Variants in RSPO2 observed in about 807,000 individuals in gnomAD.
The protein encoded by RSPO2 is R-spondin 2.
Under a neutral mutation model 30.9 loss-of-function variants are expected in RSPO2, and 14 were observed. The observed-to-expected ratio is 0.45, with a 90% CI of 0.30 to 0.71. The LOEUF is 0.71. Ranked by LOEUF, RSPO2 falls within the 30% of genes least tolerant of loss-of-function variation. The pLI is 0.08. For missense variants in RSPO2, 264 were observed against 301.9 expected (o/e 0.87, Z 0.93); for synonymous variants, 107 against 96.4 (o/e 1.11, Z -0.64).
intron 3 of RSPO2, among the ~76,000 whole-genome samples, chr8:107,976,822 C>G (rs921444062): frequency 6.6e-6 from 1 of 152,106 alleles, no homozygotes; most frequent in East Asian, 1.9e-4. Context: ...AACTATTGCA[C>G]AAAATAAAGC....
At chr8:108,049,393 T>A (rs1039961847) in intron 2 of RSPO2, among the ~76,000 whole-genome samples, 34 of 151,620 alleles carry the variant, frequency 2.2e-4, no homozygotes, top group Admixed American at 1.1e-3. Context: ...GCATCTTTTT[T>A]AAAAAAAAAT....
intron 5 of RSPO2, among the ~76,000 whole-genome samples, chr8:107,926,713 T>G (rs1445866330): frequency 1.3e-5 from 2 of 152,110 alleles, no homozygotes; most frequent in Non-Finnish European, 2.9e-5. Context: ...TGTAGATACG[T>G]GGTATTAGTT....
intron 3 of RSPO2, among the ~76,000 whole-genome samples, chr8:107,969,714 C>A (rs1813931472): frequency 6.6e-6 from 1 of 152,064 alleles, no homozygotes; most frequent in African/African-American, 2.4e-5. Flanking sequence ...AGGACAACTA[C>A]CTCAAAATAA....
At chr8:107,982,172 T>G (rs892232631) in intron 3 of RSPO2, among the ~76,000 whole-genome samples, 1 of 152,184 alleles carries the variant, frequency 6.6e-6, no homozygotes, top group Non-Finnish European at 1.5e-5. Context: ...TTCATGGATC[T>G]AAAATTATAA....
chr8:107,933,953 T>G (rs1369729587), intron 5 of RSPO2, among the ~76,000 whole-genome samples: 3 of 152,206 alleles, frequency 2.0e-5, no homozygotes, highest in Non-Finnish European at 2.9e-5. Flanking sequence ...TGTTAAGGAA[T>G]GCATGTTCTT....
At chr8:107,943,918 A>G (rs749282943) in intron 5 of RSPO2, among the ~76,000 whole-genome samples, 2 of 152,148 alleles carry the variant, frequency 1.3e-5, no homozygotes, top group Non-Finnish European at 2.9e-5. Context: ...GAAAAGAAGA[A>G]CAGAGGGAGA....
At chr8:107,942,337 G>T (rs1254015580) in intron 5 of RSPO2, among the ~76,000 whole-genome samples, 8 of 152,158 alleles carry the variant, frequency 5.3e-5, no homozygotes, top group Non-Finnish European at 1.2e-4. Flanking sequence ...AAAACCATTT[G>T]CAGTGCTATG....
intron 2 of RSPO2, among the ~76,000 whole-genome samples, chr8:108,078,066 G>A (rs1704682576): frequency 6.6e-6 from 1 of 152,116 alleles, no homozygotes; most frequent in South Asian, 2.1e-4. Flanking sequence ...AATAAGAGGT[G>A]GTTTTGCATT....
At chr8:107,919,861 T>TATA (rs1322912902) in intron 5 of RSPO2, among the ~76,000 whole-genome samples, 1 of 152,088 alleles carries the variant, frequency 6.6e-6, no homozygotes, top group Non-Finnish European at 1.5e-5. Context: ...AAATAAAAAT[T>TATA]ATAATAAGAG....
intron 2 of RSPO2, among the ~76,000 whole-genome samples, chr8:108,011,377 A>G (rs1810708381): frequency 6.6e-6 from 1 of 152,088 alleles, no homozygotes; most frequent in Non-Finnish European, 1.5e-5. Flanking sequence ...AAGACAAAAA[A>G]TATTAACAGT....
intron 5 of RSPO2, among the ~76,000 whole-genome samples, chr8:107,910,042 C>A (rs1186647904): frequency 2.0e-5 from 3 of 152,044 alleles, no homozygotes; most frequent in African/African-American, 4.8e-5. Context: ...GTCAGAAAAA[C>A]CATCAGGTTT....
At chr8:107,974,847 T>TACACACACAC (rs10530103) in intron 3 of RSPO2, among the ~76,000 whole-genome samples, 10,094 of 150,846 alleles carry the variant, frequency 0.067, 673 homozygotes, top group African/African-American at 0.17. Context: ...CACATACACA[T>TACACACACAC]ACACACACAC....
chr8:107,915,050 G>A (rs1811937568), intron 5 of RSPO2, among the ~76,000 whole-genome samples: 1 of 152,054 alleles, frequency 6.6e-6, no homozygotes, highest in Non-Finnish European at 1.5e-5. Context: ...AAATTATGGA[G>A]ACTATGCACA....
chr8:108,075,260 C>A (rs183774471), intron 2 of RSPO2, among the ~76,000 whole-genome samples: 2 of 152,156 alleles, frequency 1.3e-5, no homozygotes, highest in African/African-American at 2.4e-5. Flanking sequence ...GCGGGAGGAT[C>A]ACCTGAGGTC....
chr8:107,923,963 G>A (rs1016719725), intron 5 of RSPO2, among the ~76,000 whole-genome samples: 2 of 151,924 alleles, frequency 1.3e-5, no homozygotes, highest in African/African-American at 4.8e-5. Context: ...GAAAGAGGGA[G>A]AGAGTCAGGA....
chr8:108,043,527 C>G (rs571811030), intron 2 of RSPO2, among the ~76,000 whole-genome samples: 32 of 151,852 alleles, frequency 2.1e-4, no homozygotes, highest in African/African-American at 7.7e-4. Flanking sequence ...TACTCTTTTG[C>G]TAAGTTGCTA....
chr8:108,015,675 C>T (rs914387822), intron 2 of RSPO2, among the ~76,000 whole-genome samples: 10 of 151,778 alleles, frequency 6.6e-5, no homozygotes, highest in Non-Finnish European at 1.2e-4. Flanking sequence ...AATCCCCCTA[C>T]CCTTAATGTC....
chr8:108,082,911 G>C (rs528550822), intron 1 of RSPO2, 104 bp from the exon 2 acceptor site: 1 of 454,288 alleles, frequency 2.2e-6, no homozygotes, highest in East Asian at 3.7e-5. Flanking sequence ...AGGGAAGGAG[G>C]AAGCGAACCC....
At chr8:107,991,249 A>ACACACAC (rs1814836354) in intron 2 of RSPO2, among the ~76,000 whole-genome samples, 1 of 133,466 alleles carries the variant, frequency 7.5e-6, no homozygotes, top group African/African-American at 2.8e-5. Flanking sequence ...CTCCATCTCA[A>ACACACAC]ACACACACAC....
Sources: gnomAD v4.1 joint callset for allele counts (sites outside exome capture counted in the v4.1 genomes callset) on GRCh38, gnomAD v4.1.1 for gene constraint, MANE v1.5 for transcripts, NCBI Gene and HGNC (gene_info 2026-07-23, HGNC 2026-07-21) for gene names.